PTPRT: variants seen among roughly 807,000 people sequenced by gnomAD.
PTPRT encodes the protein receptor-type tyrosine-protein phosphatase T.
In PTPRT, 56 loss-of-function variants were observed where a neutral mutation model predicts 176.8. The ratio of observed to expected loss-of-function variants is 0.32; its 90% confidence interval spans 0.26 to 0.40. The LOEUF (loss-of-function observed/expected upper bound fraction) is 0.40. Ranked by LOEUF, PTPRT falls within the 10% of genes least tolerant of loss-of-function variation. The pLI is 1.00. For synonymous variants in PTPRT, 783 were observed against 739.0 expected, an observed-to-expected ratio of 1.06 and a Z score of -0.96; for missense variants, 1,540 against 1,908.2, an observed-to-expected ratio of 0.81 and a Z score of 3.60.
intron 7 of PTPRT, among the ~76,000 whole-genome samples, chr20:42,500,650 C>T (rs2145414938): frequency 6.6e-6 from 1 of 152,158 alleles, no homozygotes; most frequent in East Asian, 1.9e-4. Flanking sequence ...TTGGTGCATC[C>T]CTTCCTCACT....
chr20:42,983,804 G>A (rs192584799), intron 1 of PTPRT, among the ~76,000 whole-genome samples: 1 of 152,332 alleles, frequency 6.6e-6, no homozygotes, highest in African/African-American at 2.4e-5. Context: ...GCAACCTAAT[G>A]TTTTGTGTAT....
At chr20:42,889,884 G>T (rs761198807) in intron 1 of PTPRT, among the ~76,000 whole-genome samples, 2 of 152,120 alleles carry the variant, frequency 1.3e-5, no homozygotes, top group Non-Finnish European at 2.9e-5. Flanking sequence ...ACTAAAAGGG[G>T]GTTACATATA....
At chr20:43,048,076 G>A (rs1986905275) in intron 1 of PTPRT, among the ~76,000 whole-genome samples, 1 of 152,154 alleles carries the variant, frequency 6.6e-6, no homozygotes, top group Non-Finnish European at 1.5e-5. Flanking sequence ...AAGAACATGG[G>A]AGTACAAAGG....
intron 1 of PTPRT, among the ~76,000 whole-genome samples, chr20:43,179,951 T>A (rs1383300036): frequency 6.6e-6 from 1 of 152,200 alleles, no homozygotes; most frequent in East Asian, 1.9e-4. Flanking sequence ...GATGCCCAGC[T>A]AGCTGGTAAG....
rs11472303 is a variant in PTPRT at position 42,204,974 on chromosome 20, C to CTTT, written c.2343-5589_2343-5587dup. Among the ~76,000 whole-genome samples, 173 of 138,932 alleles carry CTTT rather than the reference C, an allele frequency of 1.2e-3. 1 individual carries two copies. The Middle Eastern group carries it at 0.018, about 15-fold the overall frequency. The allele number at this position is 138,932 out of a possible 152,430, so 91.1% of individuals were successfully genotyped here. A position where few individuals can be genotyped will look rare whatever the true frequency, so the allele number is the denominator to read the frequency against. ...TTGGCTTGATACAACGAAGGAATTT[C>CTTT]TTTTTTTTTTTTTATTATACTTTTA... is the stretch of plus-strand genomic sequence containing the variant. On this transcript the variant is annotated intron_variant, in intron 15 of 30. Coordinates refer to ENST00000373187, the MANE Select transcript of PTPRT (RefSeq NM_007050.6).
chr20:42,453,221 C>T (rs150399855), intron 8 of PTPRT, among the ~76,000 whole-genome samples: 7 of 152,254 alleles, frequency 4.6e-5, no homozygotes, highest in African/African-American at 1.7e-4. Flanking sequence ...ATTTTTACTG[C>T]AGTTGCATTT....
chr20:43,053,421 G>C (rs1987121248), intron 1 of PTPRT, among the ~76,000 whole-genome samples: 1 of 152,190 alleles, frequency 6.6e-6, no homozygotes, highest in Non-Finnish European at 1.5e-5. Context: ...AAATCTGGCA[G>C]AGCTGATTAC....
chr20:42,045,662 T>TC, the PTPRT span, among the ~76,000 whole-genome samples: 3 of 151,534 alleles, frequency 2.0e-5, no homozygotes, highest in Admixed American at 1.3e-4. Context: ...GTCCTTTTTT[T>TC]TTTCTTTTAA....
intron 1 of PTPRT, among the ~76,000 whole-genome samples, chr20:43,054,484 G>A (rs780078841): frequency 3.3e-5 from 5 of 151,438 alleles, no homozygotes; most frequent in East Asian, 3.9e-4. Flanking sequence ...AGCCCAGAAC[G>A]TCAAGGCGGC....
intron 7 of PTPRT, among the ~76,000 whole-genome samples, chr20:42,488,639 ATAAG>A (rs1271771175): frequency 6.6e-6 from 1 of 152,076 alleles, no homozygotes; most frequent in Admixed American, 6.5e-5. Context: ...ATAATCTCTA[ATAAG>A]TAAGAGTCCT....
chr20:43,136,264 T>C (rs1261648480), intron 1 of PTPRT, among the ~76,000 whole-genome samples: 1 of 152,198 alleles, frequency 6.6e-6, no homozygotes, highest in African/African-American at 2.4e-5. Context: ...CATAGTCTGC[T>C]GTAAATTCAT....
intron 2 of PTPRT, among the ~76,000 whole-genome samples, chr20:42,826,680 T>C (rs1044180307): frequency 6.6e-6 from 1 of 152,110 alleles, no homozygotes; most frequent in Non-Finnish European, 1.5e-5. Context: ...AACAACAAAA[T>C]GGCAAGATCA....
chr20:42,036,652 C>A, the PTPRT span, among the ~76,000 whole-genome samples: 1 of 152,092 alleles, frequency 6.6e-6, no homozygotes, highest in African/African-American at 2.4e-5. Context: ...AGGATGAAGG[C>A]CTGAGATAAA....
At chr20:42,637,498 G>A (rs1226955235) in intron 7 of PTPRT, among the ~76,000 whole-genome samples, 1 of 152,116 alleles carries the variant, frequency 6.6e-6, no homozygotes, top group Non-Finnish European at 1.5e-5. Flanking sequence ...TGGGGTTCCT[G>A]CAGATCTTCA....
intron 8 of PTPRT, among the ~76,000 whole-genome samples, chr20:42,468,564 G>A (rs191474646): frequency 4.9e-4 from 74 of 152,306 alleles, no homozygotes; most frequent in African/African-American, 1.7e-3. Context: ...TATTAATGAT[G>A]TTTAATTAAA....
intron 1 of PTPRT, among the ~76,000 whole-genome samples, chr20:43,146,651 G>C (rs531575262): frequency 2.0e-4 from 31 of 152,230 alleles, no homozygotes; most frequent in African/African-American, 7.2e-4. Context: ...AGACTGTCTG[G>C]GGGTACTGAG....
intron 23 of PTPRT, 22 bp from the exon 24 acceptor site, chr20:42,106,943 T>C: frequency 1.2e-6 from 2 of 1,609,120 alleles, no homozygotes; most frequent in Non-Finnish European, 1.7e-6. Flanking sequence ...GTATGGTCTG[T>C]GTTAAGGATC....
intron 7 of PTPRT, among the ~76,000 whole-genome samples, chr20:42,582,750 C>T (rs1246567716): frequency 3.9e-5 from 6 of 152,156 alleles, no homozygotes; most frequent in East Asian, 1.9e-4. Context: ...CTCTGATCTT[C>T]TCAGAGCTCG....
At position 42,352,074 on chromosome 20, in the gene PTPRT, G is replaced by T. The variant is rs966091208; in HGVS notation, c.1762+10C>A. ...AACCTTTTTTCCTTTTTCCTTTCTA[G>T]CAGAGATACCTGAAATTTTGGTGGC... On this transcript the variant is annotated intron_variant, in intron 10 of 30. Transcript: ENST00000373187. 4 of 1,611,134 alleles carry T rather than the reference G, an allele frequency of 2.5e-6. No homozygotes were observed. The African/African-American group carries it at 4.0e-5, about 16-fold the overall frequency.
Sources: gnomAD v4.1 joint callset for allele counts (sites outside exome capture counted in the v4.1 genomes callset) on GRCh38, gnomAD v4.1.1 for gene constraint, MANE v1.5 for transcripts, NCBI Gene and HGNC (gene_info 2026-07-23, HGNC 2026-07-21) for gene names.